Variants in FBP1 observed in about 807,000 individuals in gnomAD.
The protein encoded by FBP1 is fructose-1,6-bisphosphatase 1.
Under a neutral mutation model 29.9 loss-of-function variants are expected in FBP1, and 22 were observed. That is an observed-to-expected ratio of 0.74 (90% CI 0.53 to 1.05). The LOEUF is 1.05. Among genes scored for constraint, FBP1 ranks in the 50% least tolerant of loss-of-function variants. The probability of loss-of-function intolerance (pLI) is 0.00; values close to 1 mark genes in which losing one functional copy is unlikely to be tolerated. For missense variants in FBP1, 345 were observed against 448.2 expected, an observed-to-expected ratio of 0.77 and a Z score of 2.08; for synonymous variants, 175 against 178.6, an observed-to-expected ratio of 0.98 and a Z score of 0.16.
chr9:94,633,499 C>A (rs28402396), intron 1 of FBP1, among the ~76,000 whole-genome samples: 14,787 of 152,168 alleles, frequency 0.097, 893 homozygotes, highest in East Asian at 0.24. Flanking sequence ...CATCCACGAA[C>A]GCCCTACCAT....
At position 94,620,426 on chromosome 9, in the gene FBP1, T is replaced by C; in HGVS notation, c.236A>G (p.Asn79Ser). ...DQVKKLDVLS[N>S]DLVMNMLKSS... ...CTTTAACATGTTCATAACCAGGTCG[T>C]TGGAGAGGACGTCCAGCTTCTTAAC... Residue 79 changes from asparagine (N) to serine (S), a missense_variant, in exon 2 of 7, where the codon AAC (asparagine) becomes AGC (serine). Transcript: ENST00000375326. The C allele has an allele frequency of 6.2e-7, 1 of 1,614,172 alleles. No homozygotes were observed. Among genetic ancestry groups the C allele is most frequent in the Non-Finnish European group, 8.5e-7 (1 of 1,180,020 alleles).
chr9:94,617,010 G>A lies in FBP1; in HGVS notation c.426+758C>T, dbSNP rs74705981. Among the ~76,000 whole-genome samples the A allele has an allele frequency of 9.8e-3, 1,498 of 152,154 alleles. 29 individuals carry two copies. The highest frequency in any genetic ancestry group is 0.035 in the African/African-American group (1,435 of 41,500). ...GCCCGAGTCAGGTGTTAGGAGACCC[G>A]AGCAGGGCTGGATTCTCATCCTATG... is the stretch of plus-strand genomic sequence containing the variant. On this transcript the variant is annotated intron_variant, in intron 3 of 6. Transcript: ENST00000375326.
chr9:94,620,570 A>C, intron 1 of FBP1, 79 bp from the exon 2 acceptor site: 2 of 1,374,174 alleles, frequency 1.5e-6, no homozygotes, highest in South Asian at 2.4e-5. Context: ...ACCAAAAGTG[A>C]GTGTTCGGTA....
At position 94,619,874 on chromosome 9, in the gene FBP1, C is replaced by CAAAAAAAAAAAAAAA. The variant is rs56722632; in HGVS notation, c.333+440_333+454dup. On this transcript the variant is annotated intron_variant, in intron 2 of 6. Transcript: ENST00000375326. ...GGGCAACAAGAGCAAAACACTGTCT[C>CAAAAAAAAAAAAAAA]AAAAAAAAAAAAAAAAAAAAAAAAA... Among the ~76,000 whole-genome samples, 107 of 99,152 alleles carry CAAAAAAAAAAAAAAA rather than the reference C, an allele frequency of 1.1e-3. 11 individuals are homozygous for CAAAAAAAAAAAAAAA. Among genetic ancestry groups the CAAAAAAAAAAAAAAA allele is most frequent in the African/African-American group, 5.8e-3 (101 of 17,520 alleles). 65.0% of individuals were successfully genotyped at this position (99,152 alleles called of 152,430 possible).
At chr9:94,607,711 G>C (rs892415958) in intron 4 of FBP1, among the ~76,000 whole-genome samples, 5 of 152,178 alleles carry the variant, frequency 3.3e-5, no homozygotes, top group Non-Finnish European at 7.3e-5. Flanking sequence ...TTTGGCAAGA[G>C]GGTGATCGAG....
chr9:94,633,668 T>C (rs1032506382), intron 1 of FBP1, among the ~76,000 whole-genome samples: 3 of 152,022 alleles, frequency 2.0e-5, no homozygotes, highest in African/African-American at 7.2e-5. Context: ...TCCACAGTCC[T>C]TCACCATGAA....
In FBP1 at chr9:94,639,143, G is replaced by T. The variant is rs1301845246; in HGVS notation, c.168C>A (p.His56Gln). ...CCACCGCCCAAGGCCCGACTCACAG[G>T]TGCGCGATGCCCGCCTTGCGCACCG... ...SSAVRKAGIA[H>Q]LYGIAGSTNV... The change falls in exon 1 of 7, where the codon CAC becomes CAA. Residue 56 changes from histidine (H) to glutamine (Q), a missense_variant and splice_region_variant. Physicochemically the swap from His to Gln is conservative, Grantham distance 24 (BLOSUM62 0). Transcript: ENST00000375326. The T allele has an allele frequency of 6.3e-7, 1 of 1,598,008 alleles. No homozygotes were observed. Among genetic ancestry groups the T allele is most frequent in the East Asian group, 2.3e-5 (1 of 43,900 alleles).
intron 3 of FBP1, among the ~76,000 whole-genome samples, chr9:94,616,448 C>CACATATATATATATACT (rs1563982763): frequency 7.2e-5 from 5 of 69,590 alleles, no homozygotes; most frequent in South Asian, 1.1e-3. Flanking sequence ...TATATATATA[C>CACATATATATATATACT]TTTTTTTTTT....
In FBP1 at chr9:94,620,588, GAAGA is replaced by G. The variant is rs1188112926; in HGVS notation, c.171-101_171-98del. On this transcript the variant is annotated intron_variant, in intron 1 of 6. Transcript: ENST00000375326. ...AAAAGTGAGTGTTCGGTAAGATTTAGAAGAAAGAGTTCATGTCCTTTGCAGGGAC... is the reference window on the plus strand; with the variant it reads ...AAAAGTGAGTGTTCGGTAAGATTTAGAAGAGTTCATGTCCTTTGCAGGGAC... 7.4e-5 allele frequency: 90 copies of G among 1,216,996 alleles called. No individual in the cohort carries two copies. In the Admixed American group the frequency reaches 1.7e-3, roughly 23 times the overall value. 75.4% of individuals were successfully genotyped at this position (1,216,996 alleles called of 1,614,324 possible). A position where few individuals can be genotyped will look rare whatever the true frequency, so the allele number is the denominator to read the frequency against.
rs147056729 is a variant in FBP1, at chr9:94,629,624, A to G, written c.171-9133T>C. ...CAAGAGTGAGACACCAGCATTGGTG[A>G]CATCACATAACCCCCACTCCTGGGG... On this transcript the variant is annotated intron_variant, in intron 1 of 6. Coordinates refer to ENST00000375326, the MANE Select transcript of FBP1 (RefSeq NM_000507.4). Among the ~76,000 whole-genome samples, 885 of 152,210 alleles carry G rather than the reference A, an allele frequency of 5.8e-3. 12 individuals are homozygous for G. Among genetic ancestry groups the G allele is most frequent in the Middle Eastern group, 0.024 (7 of 294 alleles).
chr9:94,616,879 C>G (rs1022358112), intron 3 of FBP1, among the ~76,000 whole-genome samples: 7 of 151,960 alleles, frequency 4.6e-5, no homozygotes, highest in Non-Finnish European at 8.8e-5. Context: ...CCCTCTCCCT[C>G]TCCTCCCTCT....
chr9:94,628,360 C>T (rs7858237), intron 1 of FBP1, among the ~76,000 whole-genome samples: 141,043 of 149,570 alleles, frequency 0.94, 66,525 homozygotes, highest in East Asian at 1. Context: ...CACTCTAGAA[C>T]GGGCCACAGA....
At position 94,610,533 on chromosome 9, in the gene FBP1, A is replaced by G. The variant is rs574904411; in HGVS notation, c.427-472T>C. Among the ~76,000 whole-genome samples, 65 of 152,222 alleles carry G rather than the reference A, an allele frequency of 4.3e-4. 1 individual carries two copies. The highest frequency in any genetic ancestry group is 9.0e-4 in the Non-Finnish European group (61 of 68,030). ...ATACTCTGCTGAGCATGTGGTCTAT[A>G]TCACTCACACGTCAGGGAAATTCTC... On this transcript the variant is annotated intron_variant, in intron 3 of 6. Transcript: ENST00000375326.
chr9:94,622,233 G>C (rs536190378), intron 1 of FBP1, among the ~76,000 whole-genome samples: 1 of 152,226 alleles, frequency 6.6e-6, no homozygotes, highest in African/African-American at 2.4e-5. Context: ...TCATAGCCTG[G>C]GGTTGCCCTG....
chr9:94,625,754 C>T (rs1284553216), intron 1 of FBP1, among the ~76,000 whole-genome samples: 1 of 152,164 alleles, frequency 6.6e-6, no homozygotes, highest in East Asian at 1.9e-4. Context: ...CAGATGGCGC[C>T]CCTGCGCTCC....
intron 3 of FBP1, among the ~76,000 whole-genome samples, chr9:94,612,650 G>T (rs1827803239): frequency 1.4e-5 from 2 of 142,852 alleles, no homozygotes; most frequent in Non-Finnish European, 3.0e-5. Flanking sequence ...TCCACCTCTT[G>T]GGTTCAAGTG....
chr9:94,625,561 C>T (rs1463542042), intron 1 of FBP1, among the ~76,000 whole-genome samples: 2 of 152,032 alleles, frequency 1.3e-5, no homozygotes, highest in African/African-American at 2.4e-5. Context: ...TTTGGGAGGC[C>T]GAGGCGAGCG....
chr9:94,605,013 G>A (rs1399991868), intron 6 of FBP1, among the ~76,000 whole-genome samples: 1 of 152,158 alleles, frequency 6.6e-6, no homozygotes, highest in Non-Finnish European at 1.5e-5. Flanking sequence ...AAAAGGTATC[G>A]TTTTCCAAGT....
intron 1 of FBP1, among the ~76,000 whole-genome samples, chr9:94,627,453 A>G (rs971736459): frequency 6.6e-6 from 1 of 152,232 alleles, no homozygotes; most frequent in African/African-American, 2.4e-5. Flanking sequence ...CATTCACTCT[A>G]TATTCCAATC....
Sources: allele counts gnomAD v4.1 joint callset (sites outside exome capture counted in the v4.1 genomes callset), GRCh38; gene constraint gnomAD v4.1.1; transcripts MANE v1.5; gene names NCBI Gene and HGNC (gene_info 2026-07-23, HGNC 2026-07-21).